The following RSRC1 variants were observed in gnomAD, a reference collection of about 807,000 sequenced individuals.
RSRC1 encodes arginine and serine rich coiled-coil 1, also known as serine/Arginine-related protein 53.
RSRC1 carries 39 observed loss-of-function variants against 49.1 expected under a neutral mutation model. The ratio of observed to expected loss-of-function variants is 0.79; its 90% CI spans 0.61 to 1.04. The LOEUF is 1.04. Among genes scored for constraint, RSRC1 ranks in the 50% least tolerant of loss-of-function variants. The pLI is 0.00. For synonymous variants in RSRC1, 143 were observed against 130.8 expected (o/e 1.09, Z -0.63); for missense variants, 388 against 402.4 (o/e 0.96, Z 0.31).
At chr3:158,507,728 A>C (rs73154314) in intron 7 of RSRC1, among the ~76,000 whole-genome samples, 31,168 of 152,104 alleles carry the variant, frequency 0.2, 3,733 homozygotes, top group South Asian at 0.29. Context: ...TGAGTGTCCA[A>C]ATTTTCACCA....
intron 3 of RSRC1, among the ~76,000 whole-genome samples, chr3:158,134,615 G>T (rs1360887460): frequency 6.6e-6 from 1 of 151,906 alleles, no homozygotes; most frequent in African/African-American, 2.4e-5. Context: ...ATTCTTTTGC[G>T]GAATTATCAG....
chr3:158,221,691 A>T (rs1258008265), intron 4 of RSRC1, among the ~76,000 whole-genome samples: 1 of 151,536 alleles, frequency 6.6e-6, no homozygotes, highest in Non-Finnish European at 1.5e-5. Context: ...TTCATAAAGT[A>T]GATGCCTTTC....
At chr3:158,184,117 A>T (rs906668543) in intron 3 of RSRC1, among the ~76,000 whole-genome samples, 1 of 152,122 alleles carries the variant, frequency 6.6e-6, no homozygotes, top group Non-Finnish European at 1.5e-5. Context: ...ATAAAGATCC[A>T]TGGAGAAAAC....
At chr3:158,180,526 A>G (rs1369819060) in intron 3 of RSRC1, among the ~76,000 whole-genome samples, 5 of 148,378 alleles carry the variant, frequency 3.4e-5, no homozygotes, top group African/African-American at 5.0e-5. Context: ...AAGAGTCACA[A>G]TCATGGCTCA....
intron 5 of RSRC1, among the ~76,000 whole-genome samples, chr3:158,338,729 A>G (rs568689531): frequency 9.8e-5 from 15 of 152,318 alleles, no homozygotes; most frequent in South Asian, 2.1e-4. Context: ...TTTTTTCCCT[A>G]TGAAAGTTAA....
chr3:158,492,361 A>T (rs890526170), intron 7 of RSRC1, among the ~76,000 whole-genome samples: 16 of 152,216 alleles, frequency 1.1e-4, no homozygotes, highest in African/African-American at 3.6e-4. Context: ...TTAAGTAATA[A>T]CCTGACAGTT....
chr3:158,324,843 C>T (rs1300795504), intron 5 of RSRC1, among the ~76,000 whole-genome samples: 1 of 152,204 alleles, frequency 6.6e-6, no homozygotes, highest in African/African-American at 2.4e-5. Flanking sequence ...TTTACAGTCC[C>T]ATCAACAGTG....
At chr3:158,170,612 CATTTT>C (rs757102275) in intron 3 of RSRC1, among the ~76,000 whole-genome samples, 9 of 152,096 alleles carry the variant, frequency 5.9e-5, no homozygotes, top group Non-Finnish European at 1.3e-4. Context: ...CTGAGTTGCT[CATTTT>C]TATTTCCTCT....
intron 1 of RSRC1, among the ~76,000 whole-genome samples, chr3:158,114,872 G>C (rs537632466): frequency 6.6e-6 from 1 of 152,178 alleles, no homozygotes. Flanking sequence ...CATTACTGAA[G>C]TTGCTTGTCA....
chr3:158,462,451 A>G (rs965056412), intron 7 of RSRC1, among the ~76,000 whole-genome samples: 2 of 152,002 alleles, frequency 1.3e-5, no homozygotes, highest in Admixed American at 1.3e-4. Flanking sequence ...CTTATGACCA[A>G]GCAATACAGT....
At chr3:158,114,758 A>C (rs1241807464) in intron 1 of RSRC1, among the ~76,000 whole-genome samples, 1 of 151,984 alleles carries the variant, frequency 6.6e-6, no homozygotes, top group Non-Finnish European at 1.5e-5. Flanking sequence ...TTCTTTTTAT[A>C]GCAGTTGTAA....
chr3:158,484,848 T>C (rs1738756315), intron 7 of RSRC1, among the ~76,000 whole-genome samples: 1 of 152,244 alleles, frequency 6.6e-6, no homozygotes, highest in East Asian at 1.9e-4. Context: ...CTGTAATTCT[T>C]CAGTAAAATG....
At chr3:158,477,129 T>C (rs866448559) in intron 7 of RSRC1, among the ~76,000 whole-genome samples, 11 of 152,146 alleles carry the variant, frequency 7.2e-5, no homozygotes, top group Non-Finnish European at 4.4e-5. Flanking sequence ...TTGCTTCTTA[T>C]GGATGAGCAA....
chr3:158,447,066 A>C (rs1736759248), intron 6 of RSRC1, among the ~76,000 whole-genome samples: 1 of 152,052 alleles, frequency 6.6e-6, no homozygotes, highest in Admixed American at 6.6e-5. Flanking sequence ...TTCAGTCTGA[A>C]TGTGGTATAT....
In RSRC1 at chr3:158,280,661, T is replaced by C. The variant is rs1432290105; in HGVS notation, c.495-17378T>C. Among the ~76,000 whole-genome samples the C allele has an allele frequency of 6.0e-5, 7 of 116,642 alleles. No homozygotes were observed. In the South Asian group the frequency reaches 1.3e-3, roughly 22 times the overall value. The allele number at this position is 116,642 out of a possible 152,430, so 76.5% of individuals were successfully genotyped here. A position where few individuals can be genotyped will look rare whatever the true frequency, so the allele number is the denominator to read the frequency against. On this transcript the variant is annotated intron_variant, in intron 4 of 9. Transcript: ENST00000611884. ...CCTTTTTTTTTTTTTTTTTTTTTTTTTTTGAGACGGAGTCTTGCTCTTTTT... is the reference window on the plus strand; with the variant it reads ...CCTTTTTTTTTTTTTTTTTTTTTTTCTTTGAGACGGAGTCTTGCTCTTTTT...
In RSRC1 at chr3:158,450,477, T is replaced by C. The variant is rs141424871; in HGVS notation, c.584-10458T>C. Among the ~76,000 whole-genome samples the C allele has an allele frequency of 1.7e-3, 260 of 152,032 alleles. 1 individual carries two copies. The highest frequency in any genetic ancestry group is 6.1e-3 in the African/African-American group (254 of 41,532). ...GCAGATACAGAATAATCATTTCCAATATTGGACATGACTAAACATTTTTAC... is the reference window on the plus strand; with the variant it reads ...GCAGATACAGAATAATCATTTCCAACATTGGACATGACTAAACATTTTTAC... On this transcript the variant is annotated intron_variant, in intron 6 of 9. Transcript: ENST00000611884.
intron 4 of RSRC1, among the ~76,000 whole-genome samples, chr3:158,225,131 T>TAG (rs1722454478): frequency 6.6e-6 from 1 of 151,846 alleles, no homozygotes; most frequent in African/African-American, 2.4e-5. Context: ...TTACAGATCA[T>TAG]CATGGTAGAT....
chr3:158,393,705 A>T (rs116319557), intron 6 of RSRC1, among the ~76,000 whole-genome samples: 1 of 152,126 alleles, frequency 6.6e-6, no homozygotes, highest in Non-Finnish European at 1.5e-5. Context: ...CCAGGAGCAG[A>T]CAGATTCACA....
chr3:158,404,476 A>G (rs1171092806), intron 6 of RSRC1, among the ~76,000 whole-genome samples: 1 of 151,896 alleles, frequency 6.6e-6, no homozygotes, highest in African/African-American at 2.4e-5. Context: ...AAAATACTTG[A>G]TATTTAGCTT....
Sources: allele counts gnomAD v4.1 joint callset (sites outside exome capture counted in the v4.1 genomes callset), GRCh38; gene constraint gnomAD v4.1.1; transcripts MANE v1.5; gene names NCBI Gene and HGNC (gene_info 2026-07-23, HGNC 2026-07-21).